The following POLD3 variants were observed in gnomAD, a reference collection of about 807,000 sequenced individuals.
POLD3 encodes DNA polymerase delta 3, accessory subunit.
POLD3 carries 19 observed loss-of-function variants against 58.2 expected under a neutral mutation model. The ratio of observed to expected loss-of-function variants is 0.33; its 90% CI spans 0.23 to 0.48. POLD3 has a LOEUF of 0.48. Among genes scored for constraint, POLD3 ranks in the 20% least tolerant of loss-of-function variants. POLD3 has a pLI of 0.99. For missense variants in POLD3, 504 were observed against 545.5 expected (o/e 0.92, Z 0.76); for synonymous variants, 172 against 193.5 (o/e 0.89, Z 0.92).
At chr11:74,603,722 G>C (rs1565112710) in intron 2 of POLD3, among the ~76,000 whole-genome samples, 1 of 152,172 alleles carries the variant, frequency 6.6e-6, no homozygotes. Context: ...TGGTTTTATG[G>C]AAGCTGAGAG....
intron 4 of POLD3, among the ~76,000 whole-genome samples, chr11:74,658,686 T>C (rs2033167032): frequency 6.6e-6 from 1 of 152,160 alleles, no homozygotes; most frequent in Non-Finnish European, 1.5e-5. Flanking sequence ...AAGTCCGAAA[T>C]CCAGCAGGGC....
intron 2 of POLD3, among the ~76,000 whole-genome samples, chr11:74,597,671 G>A (rs569033636): frequency 6.6e-6 from 1 of 152,282 alleles, no homozygotes; most frequent in South Asian, 2.1e-4. Context: ...GTGTTGTGCA[G>A]GCTGGTCTCG....
chr11:74,636,233 G>A lies in POLD3; in HGVS notation c.1156G>A (p.Val386Ile), dbSNP rs377052981. Residue 386 changes from valine (V) to isoleucine (I), a missense_variant, in exon 11 of 12, where the codon GTA (valine) becomes ATA (isoleucine). By Grantham distance (29) the Val-to-Ile change is conservative (BLOSUM62 3). Around this residue, in one of 2 missense-constraint regions of POLD3, gnomAD observed 385 missense variants for 370.5 expected, o/e 1.04. Transcript: ENST00000263681. ...SGENKRKRKR[V>I]LKSKTYLDGE... ...AGAAAACAAAAGAAAACGAAAACGC[G>A]TACTAAAATCTAAAACTTACCTGGA... is the stretch of plus-strand genomic sequence containing the variant. The A allele has an allele frequency of 5.6e-6, 9 of 1,610,846 alleles. No homozygotes were observed. The highest frequency in any genetic ancestry group is 3.3e-5 in the South Asian group (3 of 91,012).
chr11:74,612,864 C>T lies in POLD3; in HGVS notation c.260-14C>T. On this transcript the variant is annotated splice_polypyrimidine_tract_variant and intron_variant, in intron 4 of 11. Transcript: ENST00000263681. ...TTTGTGTATTAACTGACTGCTTTTC[C>T]TGTTGACTTGTAGCAGTGAAGTCCA... 6.2e-7 allele frequency: 1 copy of T among 1,601,484 alleles called. No individual in the cohort carries two copies. The highest frequency in any genetic ancestry group is 1.1e-5 in the South Asian group (1 of 88,620).
chr11:74,596,374 T>TG (rs1005829639), intron 2 of POLD3, among the ~76,000 whole-genome samples: 3 of 151,546 alleles, frequency 2.0e-5, no homozygotes, highest in African/African-American at 7.3e-5. Flanking sequence ...TTAGTAGAGT[T>TG]GGGGTTTCAC....
Position 74,629,275 on chromosome 11 carries a change from AAG to A in POLD3, c.961_962del (p.Arg321GlufsTer7), listed in dbSNP as rs752913107. On this transcript the variant is annotated frameshift_variant, in exon 9 of 12. Coordinates refer to ENST00000263681, the MANE Select transcript of POLD3 (RefSeq NM_006591.3). LOFTEE classifies it high-confidence loss of function. ...ETKETENMRK[K>X]RRRIKLPESD... is the part of the protein sequence containing the mutation. ...AAAGGAAACTGAAAACATGAGGAAA[AAG>A]AGGAGAAGAATCAAACTTCCTGAAT... 6.2e-7 allele frequency: 1 copy of A among 1,609,704 alleles called. No individual in the cohort carries two copies. Among genetic ancestry groups the A allele is most frequent in the Non-Finnish European group, 8.5e-7 (1 of 1,177,364 alleles).
chr11:74,606,141 A>G (rs1197606552), intron 3 of POLD3, among the ~76,000 whole-genome samples: 4 of 152,200 alleles, frequency 2.6e-5, no homozygotes, highest in Admixed American at 2.0e-4. Flanking sequence ...CTATCCTTAT[A>G]CTCTCTAGCC....
At chr11:74,660,371 C>A (rs938029172) in intron 4 of POLD3, among the ~76,000 whole-genome samples, 1 of 152,182 alleles carries the variant, frequency 6.6e-6, no homozygotes, top group Non-Finnish European at 1.5e-5. Context: ...CTGTTATTAT[C>A]CGTTTGAATA....
chr11:74,628,876 G>T, intron 8 of POLD3: 1 of 174,506 alleles, frequency 5.7e-6, no homozygotes, highest in East Asian at 1.5e-4. Flanking sequence ...AAAGAGCCTT[G>T]TATGTATGTA....
intron 2 of POLD3, among the ~76,000 whole-genome samples, chr11:74,596,715 C>T (rs2031273571): frequency 6.6e-6 from 1 of 152,154 alleles, no homozygotes; most frequent in South Asian, 2.1e-4. Context: ...GAACTTATTC[C>T]TGTCTAACTG....
rs1294641265 is a variant in POLD3 at position 74,642,330 on chromosome 11, A to G, written c.*1564A>G. On this transcript the variant is annotated 3_prime_UTR_variant, in exon 12 of 12. Transcript: ENST00000263681. ...CCAAAACCCTTCTTTTTAAAAGGAA[A>G]AAGGATGGAGAGAAGGATGGAAAGC... The G allele has an allele frequency of 5.1e-6, 5 of 985,268 alleles. No homozygotes were observed. The highest frequency in any genetic ancestry group is 6.0e-6 in the Non-Finnish European group (5 of 829,900). The allele number at this position is 985,268 out of a possible 1,614,324, so 61.0% of individuals were successfully genotyped here.
chr11:74,645,627 G>A (rs548398215), downstream of POLD3, among the ~76,000 whole-genome samples: 7 of 152,154 alleles, frequency 4.6e-5, no homozygotes, highest in African/African-American at 9.7e-5. Flanking sequence ...ACCTTAAAGC[G>A]TTGCTTTAGG....
At chr11:74,594,791 T>G (rs1322289929) in intron 2 of POLD3, among the ~76,000 whole-genome samples, 1 of 152,114 alleles carries the variant, frequency 6.6e-6, no homozygotes, top group Non-Finnish European at 1.5e-5. Flanking sequence ...CTTCACAGGG[T>G]GGCAGGAGAG....
chr11:74,597,521 C>T (rs980417631), intron 2 of POLD3, among the ~76,000 whole-genome samples: 4 of 152,184 alleles, frequency 2.6e-5, no homozygotes, highest in Non-Finnish European at 2.9e-5. Context: ...AATGCAGTGG[C>T]GCAATTTTGG....
At chr11:74,616,491 G>A (rs1264175723) in intron 5 of POLD3, among the ~76,000 whole-genome samples, 1 of 152,210 alleles carries the variant, frequency 6.6e-6, no homozygotes, top group Non-Finnish European at 1.5e-5. Context: ...GTAGAATTCA[G>A]ACCAGAGGAG....
chr11:74,636,068 A>T, intron 10 of POLD3, 129 bp from the exon 11 acceptor site: 1 of 862,366 alleles, frequency 1.2e-6, no homozygotes, highest in South Asian at 1.9e-5. Flanking sequence ...AAACTAATGT[A>T]GAGTTTCTCT....
intron 7 of POLD3, 88 bp from the exon 8 acceptor site, chr11:74,625,320 T>C (rs1337043682): frequency 5.5e-6 from 6 of 1,087,586 alleles, no homozygotes; most frequent in Non-Finnish European, 7.9e-6. Context: ...TCCTAACATA[T>C]TACCTGGCAC....
chr11:74,621,118 G>T (rs1254102672), intron 7 of POLD3, among the ~76,000 whole-genome samples: 5 of 152,148 alleles, frequency 3.3e-5, no homozygotes, highest in African/African-American at 1.2e-4. Context: ...CACAGGGAAT[G>T]CTTCCTACTT....
chr11:74,631,961 G>A (rs1184238369), intron 9 of POLD3, among the ~76,000 whole-genome samples: 2 of 151,878 alleles, frequency 1.3e-5, no homozygotes, highest in African/African-American at 4.8e-5. Context: ...TTACCCCTGC[G>A]GGGTCATAAG....
Sources: allele counts gnomAD v4.1 joint callset (sites outside exome capture counted in the v4.1 genomes callset), GRCh38; gene constraint gnomAD v4.1.1; regional missense constraint gnomAD v4.1.1; transcripts MANE v1.5; gene names NCBI Gene and HGNC (gene_info 2026-07-23, HGNC 2026-07-21).